The following NBEAL1 variants were observed in gnomAD, a reference collection of about 807,000 sequenced individuals.
NBEAL1 encodes the protein neurobeachin like 1.
NBEAL1 carries 273 observed loss-of-function variants against 351.3 expected under a neutral mutation model. That is an observed-to-expected ratio of 0.78 (90% CI 0.70 to 0.86). The LOEUF (loss-of-function observed/expected upper bound fraction) is 0.86, where lower values mean the gene tolerates loss of function less well. Among genes scored for constraint, NBEAL1 ranks in the 40% least tolerant of loss-of-function variants. The pLI is 0.00. For missense variants in NBEAL1, 2,961 were observed against 3,201.3 expected, an observed-to-expected ratio of 0.92 and a Z score of 1.81; for synonymous variants, 1,050 against 1,086.4, an observed-to-expected ratio of 0.97 and a Z score of 0.66.
At chr2:203,071,966 G>T (rs1011828498) in intron 7 of NBEAL1, among the ~76,000 whole-genome samples, 6 of 152,118 alleles carry the variant, frequency 3.9e-5, no homozygotes, top group Admixed American at 1.3e-4. Context: ...CCAGGTCTCT[G>T]CAAGGGCCCC....
Position 203,176,428 on chromosome 2 carries a change from A to G in NBEAL1, c.6464+1141A>G, listed in dbSNP as rs186244020. On this transcript the variant is annotated intron_variant, in intron 42 of 55. Transcript: ENST00000683969. ...GATAGAAGATACTTTTCTCTCCATA[A>G]GATACAGTAAAGTAGGCCAGGTGTG... Among the ~76,000 whole-genome samples the G allele has an allele frequency of 2.3e-3, 352 of 152,188 alleles. 1 individual carries two copies. Among genetic ancestry groups the G allele is most frequent in the African/African-American group, 7.9e-3 (327 of 41,534 alleles).
intron 42 of NBEAL1, among the ~76,000 whole-genome samples, chr2:203,178,356 G>A (rs1244761322): frequency 1.3e-5 from 2 of 151,812 alleles, no homozygotes; most frequent in Admixed American, 6.6e-5. Flanking sequence ...TGGTAGAGAC[G>A]GGGTTTTGCC....
intron 2 of NBEAL1, among the ~76,000 whole-genome samples, chr2:203,023,809 T>G (rs1163260867): frequency 2.0e-5 from 3 of 152,108 alleles, no homozygotes; most frequent in Non-Finnish European, 4.4e-5. Context: ...GTTCTCATAT[T>G]GGGAATTATT....
At chr2:203,206,021 C>T (rs534783150) in intron 51 of NBEAL1, among the ~76,000 whole-genome samples, 28 of 152,268 alleles carry the variant, frequency 1.8e-4, no homozygotes, top group African/African-American at 6.7e-4. Flanking sequence ...TAACATACAA[C>T]TATGTGTATG....
intron 6 of NBEAL1, among the ~76,000 whole-genome samples, chr2:203,059,596 A>G (rs1338706349): frequency 6.6e-6 from 1 of 152,244 alleles, no homozygotes; most frequent in African/African-American, 2.4e-5. Context: ...CTGTGATTAC[A>G]TGTCCCCATC....
intron 10 of NBEAL1, among the ~76,000 whole-genome samples, chr2:203,096,816 T>C (rs994104106): frequency 1.3e-5 from 2 of 152,214 alleles, no homozygotes; most frequent in Non-Finnish European, 2.9e-5. Context: ...GAAAGAACCA[T>C]TTTTAAAGTT....
At chr2:203,042,837 C>T (rs1490589336) in intron 3 of NBEAL1, among the ~76,000 whole-genome samples, 1 of 152,092 alleles carries the variant, frequency 6.6e-6, no homozygotes, top group Non-Finnish European at 1.5e-5. Flanking sequence ...CCACCTGCCT[C>T]GGACTCCCAA....
intron 10 of NBEAL1, among the ~76,000 whole-genome samples, chr2:203,091,958 G>A (rs1481954548): frequency 6.6e-6 from 1 of 152,050 alleles, no homozygotes; most frequent in Non-Finnish European, 1.5e-5. Context: ...TAATTTTAAT[G>A]TCTATATAAT....
In NBEAL1 at chr2:203,224,574, TAGTC is replaced by T. The variant is rs1180758207; in HGVS notation, c.*7222_*7225del. 6.6e-6 allele frequency among the ~76,000 whole-genome samples: 1 copy of T among 152,186 alleles called. No homozygotes were observed. The highest frequency in any genetic ancestry group is 1.5e-5 in the Non-Finnish European group (1 of 67,984). The stretch of plus-strand genomic sequence containing the variant: ...TGACTTGAATGCATGTATATGCACA[TAGTC>T]AATTCAGAGCGTAATAACTAAAAAT... On this transcript the variant is annotated 3_prime_UTR_variant, in exon 56 of 56. Coordinates refer to ENST00000683969, the MANE Select transcript of NBEAL1 (RefSeq NM_001378026.1).
chr2:203,119,566 C>T (rs1466461915), intron 18 of NBEAL1, among the ~76,000 whole-genome samples: 1 of 151,114 alleles, frequency 6.6e-6, no homozygotes, highest in East Asian at 2.0e-4. Flanking sequence ...GCTGGGATTA[C>T]AGGCATGCGC....
At chr2:203,041,979 T>A in intron 3 of NBEAL1, 123 bp downstream of exon 3, 1 of 685,744 alleles carries the variant, frequency 1.5e-6, no homozygotes, top group East Asian at 2.7e-5. Flanking sequence ...TGAATAACCC[T>A]ATTCTCATAG....
chr2:203,095,580 C>T (rs1001976429), intron 10 of NBEAL1, among the ~76,000 whole-genome samples: 1 of 151,818 alleles, frequency 6.6e-6, no homozygotes, highest in African/African-American at 2.4e-5. Context: ...CGTGAGCCAC[C>T]GCGCCCGGCC....
chr2:203,126,581 A>C lies in NBEAL1; in HGVS notation c.3010A>C (p.Asn1004His). ...QKVPSTLMDVNVLMAVQLLIE... is the reference protein window; with the variant it reads ...QKVPSTLMDVHVLMAVQLLIE... ...GGTGCCAAGCACCTTGATGGATGTT[A>C]ATGTGTTGATGGCAGTTCAGTTACT... is the stretch of plus-strand genomic sequence containing the variant. The change falls in exon 22 of 56, where the codon AAT (asparagine) becomes CAT (histidine). Residue 1004 changes from asparagine (N) to histidine (H), a missense_variant. Asn to His is a moderately conservative substitution (Grantham distance 68, BLOSUM62 1). Transcript: ENST00000683969. 1 of 1,489,780 alleles carries C rather than the reference A, an allele frequency of 6.7e-7. No homozygotes were observed. Among genetic ancestry groups the C allele is most frequent in the Non-Finnish European group, 8.9e-7 (1 of 1,120,690 alleles). 92.3% of individuals were successfully genotyped at this position (1,489,780 alleles called of 1,614,324 possible). A position where few individuals can be genotyped will look rare whatever the true frequency, so the allele number is the denominator to read the frequency against.
chr2:203,188,723 A>G, intron 45 of NBEAL1, 134 bp downstream of exon 45: 1 of 559,252 alleles, frequency 1.8e-6, no homozygotes, highest in Non-Finnish European at 3.2e-6. Flanking sequence ...TTGAAAGATT[A>G]AGAGACTGCT....
intron 5 of NBEAL1, 104 bp downstream of exon 5, chr2:203,056,612 G>A (rs2061406502): frequency 4.2e-6 from 3 of 716,144 alleles, no homozygotes; most frequent in Admixed American, 4.4e-5. Flanking sequence ...TGTTGCCCAG[G>A]CTGGAGTGCA....
chr2:203,082,389 T>C (rs932089731), intron 8 of NBEAL1, among the ~76,000 whole-genome samples: 1 of 152,252 alleles, frequency 6.6e-6, no homozygotes, highest in Non-Finnish European at 1.5e-5. Flanking sequence ...GTTGATATTA[T>C]GTATTATATT....
At chr2:203,105,725 T>G (rs2062422897) in intron 12 of NBEAL1, among the ~76,000 whole-genome samples, 1 of 152,186 alleles carries the variant, frequency 6.6e-6, no homozygotes, top group South Asian at 2.1e-4. Flanking sequence ...TTGTGATAAT[T>G]TTAAAGACAA....
At position 203,166,156 on chromosome 2, in the gene NBEAL1, AAAG is replaced by A. The variant is rs2064123417; in HGVS notation, c.5728_5730del (p.Glu1910del). 3 of 1,565,938 alleles carry A rather than the reference AAAG, an allele frequency of 1.9e-6. No homozygotes were observed. The highest frequency in any genetic ancestry group is 8.6e-7 in the Non-Finnish European group (1 of 1,163,130). On this transcript the variant is annotated inframe_deletion, in exon 37 of 56. Coordinates refer to ENST00000683969, the MANE Select transcript of NBEAL1 (RefSeq NM_001378026.1). ...GGCTTCTTGTTTTTACAGTGATGAGAAAGAAGAACAGGATCAAAAAGAAAAATT... is the reference window on the plus strand; with the variant it reads ...GGCTTCTTGTTTTTACAGTGATGAGAAAGAACAGGATCAAAAAGAAAAATT...
rs1470450791 is a variant in NBEAL1, at chr2:203,136,709, T to A, written c.4500T>A (p.Phe1500Leu). Reference protein sequence around the residue: ...DDTWIERGQVFSALSKPGISS... With the variant: ...DDTWIERGQVLSALSKPGISS... ...CTTGGATTGAACGAGGACAAGTGTT[T>A]TCAGCACTAAGTAAACCAGGAATAT... Residue 1500 changes from phenylalanine (F) to leucine (L), a missense_variant, in exon 29 of 56, where the codon TTT becomes TTA. Coordinates refer to ENST00000683969, the MANE Select transcript of NBEAL1 (RefSeq NM_001378026.1). The A allele has an allele frequency of 1.1e-5, 17 of 1,613,662 alleles. No individual in the cohort carries two copies. The highest frequency in any genetic ancestry group is 1.4e-5 in the Non-Finnish European group (16 of 1,179,792).
Sources: gnomAD v4.1 joint callset for allele counts (sites outside exome capture counted in the v4.1 genomes callset) on GRCh38, gnomAD v4.1.1 for gene constraint, MANE v1.5 for transcripts, NCBI Gene and HGNC (gene_info 2026-07-23, HGNC 2026-07-21) for gene names.